Variants in KIF25 observed in about 807,000 individuals in gnomAD.
KIF25 encodes kinesin-like protein KIF25.
Under a neutral mutation model 32.9 loss-of-function variants are expected in KIF25, and 19 were observed. That is an observed-to-expected ratio of 0.58 (90% CI 0.40 to 0.85). The LOEUF is 0.85. Among genes scored for constraint, KIF25 ranks in the 40% least tolerant of loss-of-function variants. The pLI, the probability that KIF25 is intolerant of heterozygous loss-of-function variation, is 0.00. For synonymous variants in KIF25, 225 were observed against 213.7 expected, an observed-to-expected ratio of 1.05 and a Z score of -0.46; for missense variants, 485 against 507.0, an observed-to-expected ratio of 0.96 and a Z score of 0.42.
At chr6:168,014,755 C>A (rs547535450) in intron 4 of KIF25, among the ~76,000 whole-genome samples, 101 of 152,324 alleles carry the variant, frequency 6.6e-4, no homozygotes, top group African/African-American at 2.4e-3. Context: ...GCCCTAGTTC[C>A]TGGTAGCTGT....
At chr6:167,998,955 G>A (rs1267120951) in intron 1 of KIF25, 85 bp downstream of exon 1, 1 of 152,278 alleles carries the variant, frequency 6.6e-6, no homozygotes, top group African/African-American at 2.4e-5. Context: ...TGGGGGCTGA[G>A]GCAGGAGAAT....
chr6:168,021,358 G>C (rs116443779), intron 5 of KIF25, among the ~76,000 whole-genome samples: 1,991 of 152,260 alleles, frequency 0.013, 51 homozygotes, highest in African/African-American at 0.046. Flanking sequence ...AACCGACCCT[G>C]CCTCCCCAGC....
At chr6:167,999,594 C>G (rs762446307) in intron 2 of KIF25, among the ~76,000 whole-genome samples, 1 of 152,186 alleles carries the variant, frequency 6.6e-6, no homozygotes, top group Non-Finnish European at 1.5e-5. Flanking sequence ...TCCGTCTTTT[C>G]GTGGTTTGCC....
chr6:168,037,707 T>C (rs79816727), intron 8 of KIF25, among the ~76,000 whole-genome samples: 3,584 of 152,156 alleles, frequency 0.024, 160 homozygotes, highest in African/African-American at 0.082. Context: ...TACAAGCCAG[T>C]GCATAGTTCT....
At chr6:168,004,524 AG>A (rs1798552147) in intron 4 of KIF25, among the ~76,000 whole-genome samples, 1 of 152,246 alleles carries the variant, frequency 6.6e-6, no homozygotes, top group African/African-American at 2.4e-5. Context: ...AAACATACTC[AG>A]GGCAGATGCA....
chr6:168,002,075 A>G lies in KIF25; in HGVS notation c.-369-468A>G, dbSNP rs529357081. Among the ~76,000 whole-genome samples the G allele has an allele frequency of 8.0e-5, 7 of 87,816 alleles. No homozygotes were observed. In the South Asian group the frequency reaches 3.6e-3, roughly 45 times the overall value. The allele number at this position is 87,816 out of a possible 152,430, so 57.6% of individuals were successfully genotyped here. A position where few individuals can be genotyped will look rare whatever the true frequency, so the allele number is the denominator to read the frequency against. Reference sequence around the variant, plus strand: ...CATGGCCTCGGGCAGGTGAGAAGACACCTTCAGGCGTAGCCTCGGGCAGGT... The same window carrying G: ...CATGGCCTCGGGCAGGTGAGAAGACGCCTTCAGGCGTAGCCTCGGGCAGGT... On this transcript the variant is annotated intron_variant, in intron 2 of 12. Coordinates refer to ENST00000643607, the MANE Select transcript of KIF25 (RefSeq NM_030615.4).
intron 8 of KIF25, among the ~76,000 whole-genome samples, chr6:168,034,375 C>T (rs192449643): frequency 6.6e-6 from 1 of 152,344 alleles, no homozygotes; most frequent in African/African-American, 2.4e-5. Context: ...TCTCCCTCCT[C>T]AGCCTCCCGA....
chr6:168,041,054 C>T (rs867010961), intron 10 of KIF25, among the ~76,000 whole-genome samples: 26 of 152,160 alleles, frequency 1.7e-4, no homozygotes, highest in Non-Finnish European at 2.6e-4. Context: ...TGCAAGGATG[C>T]GGCTCCGGGG....
chr6:168,007,828 C>T (rs897206032), intron 4 of KIF25, among the ~76,000 whole-genome samples: 4 of 152,176 alleles, frequency 2.6e-5, no homozygotes, highest in Non-Finnish European at 5.9e-5. Context: ...AAGCCCTGAA[C>T]CTCTGACTCA....
chr6:167,999,541 C>T lies in KIF25; in HGVS notation c.-370+221C>T, dbSNP rs551793806. 2.3e-3 allele frequency among the ~76,000 whole-genome samples: 353 copies of T among 152,334 alleles called. 2 individuals are homozygous for T. Among genetic ancestry groups the T allele is most frequent in the Middle Eastern group, 0.021 (6 of 292 alleles). On this transcript the variant is annotated intron_variant, in intron 2 of 12. Coordinates refer to ENST00000643607, the MANE Select transcript of KIF25 (RefSeq NM_030615.4). ...CCTGCAAAAGGCCAAACTGCCTGAG[C>T]AGGCCTCTCGTGCGTGGTAGTGGTT... is the stretch of plus-strand genomic sequence containing the variant.
intron 10 of KIF25, 24 bp from the exon 11 acceptor site, chr6:168,041,945 T>G (rs1334022219): frequency 1.3e-6 from 2 of 1,549,166 alleles, no homozygotes; most frequent in African/African-American, 2.7e-5. Context: ...GTTTTCCTCC[T>G]CGTCGCTCCT....
chr6:168,041,305 G>C (rs1031989985), intron 10 of KIF25, among the ~76,000 whole-genome samples: 1 of 152,258 alleles, frequency 6.6e-6, no homozygotes, highest in African/African-American at 2.4e-5. Flanking sequence ...GGCCAGCCCA[G>C]AGTGGGCCAC....
intron 4 of KIF25, among the ~76,000 whole-genome samples, chr6:168,014,749 T>C (rs539130476): frequency 1.3e-5 from 2 of 152,380 alleles, no homozygotes; most frequent in South Asian, 4.1e-4. Flanking sequence ...GCTGCTGCCC[T>C]AGTTCCTGGT....
intron 5 of KIF25, among the ~76,000 whole-genome samples, chr6:168,027,251 G>A (rs901556611): frequency 2.0e-5 from 3 of 152,050 alleles, no homozygotes; most frequent in African/African-American, 7.2e-5. Context: ...TCAGGAGTTC[G>A]AGACCACCCT....
chr6:168,033,320 C>T (rs1562389585), intron 7 of KIF25, among the ~76,000 whole-genome samples: 4 of 151,944 alleles, frequency 2.6e-5, no homozygotes, highest in African/African-American at 9.7e-5. Flanking sequence ...GCCAATATGG[C>T]GAAACTCCAT....
At chr6:168,042,855 A>G in intron 12 of KIF25, 139 bp downstream of exon 12, 1 of 981,716 alleles carries the variant, frequency 1.0e-6, no homozygotes, top group Non-Finnish European at 1.5e-6. Context: ...GCTAGCTGGC[A>G]CTCCCACGGC....
intron 2 of KIF25, among the ~76,000 whole-genome samples, chr6:168,002,193 G>A (rs974639357): frequency 9.2e-6 from 1 of 108,612 alleles, no homozygotes; most frequent in Non-Finnish European, 1.9e-5. Flanking sequence ...GCGTGGCCTC[G>A]GGCAGGGGAG....
At position 168,040,102 on chromosome 6, in the gene KIF25, C is replaced by T. The variant is rs759585044; in HGVS notation, c.532C>T (p.His178Tyr). ...GSASKLMELV[H>Y]GGLQLRAKHP... Reference sequence around the variant, plus strand: ...CGCCTCGAAACTGATGGAGCTCGTTCATGGAGGTCTGCAGCTCAGGGCGAA... The same window carrying T: ...CGCCTCGAAACTGATGGAGCTCGTTTATGGAGGTCTGCAGCTCAGGGCGAA... Residue 178 changes from histidine (H) to tyrosine (Y), a missense_variant, in exon 10 of 13, where the codon CAT becomes TAT. By Grantham distance (83) the His-to-Tyr change is moderately conservative. Around this residue, in one of 2 missense-constraint regions of KIF25, gnomAD observed 480 missense variants for 470.3 expected, o/e 1.02. Transcript: ENST00000643607. 9 of 1,613,962 alleles carry T rather than the reference C, an allele frequency of 5.6e-6. No homozygotes were observed. The highest frequency in any genetic ancestry group is 6.8e-6 in the Non-Finnish European group (8 of 1,179,960).
At chr6:168,020,149 C>CAAACAAACAAACAAAG (rs1798769700) in intron 5 of KIF25, among the ~76,000 whole-genome samples, 1 of 151,818 alleles carries the variant, frequency 6.6e-6, no homozygotes, top group South Asian at 2.1e-4. Flanking sequence ...AACAAACAAA[C>CAAACAAACAAACAAAG]AAACAAACAG....
Sources: allele counts gnomAD v4.1 joint callset (sites outside exome capture counted in the v4.1 genomes callset), GRCh38; gene constraint gnomAD v4.1.1; regional missense constraint gnomAD v4.1.1; transcripts MANE v1.5; gene names NCBI Gene and HGNC (gene_info 2026-07-23, HGNC 2026-07-21).